Variants in CCDC178 observed in about 807,000 individuals in gnomAD.
CCDC178 encodes coiled-coil domain containing 178.
In CCDC178, 126 loss-of-function variants were observed where a neutral mutation model predicts 117.4. The ratio of observed to expected loss-of-function variants is 1.07; its 90% confidence interval spans 0.93 to 1.24. The LOEUF (loss-of-function observed/expected upper bound fraction) is 1.24. Among genes scored for constraint, CCDC178 ranks in the 50% most tolerant of loss-of-function variants. CCDC178 has a pLI of 0.00. For missense variants in CCDC178, 1,030 were observed against 986.9 expected (o/e 1.04, Z -0.59); for synonymous variants, 283 against 313.4 (o/e 0.90, Z 1.02).
At chr18:33,386,818 G>A (rs530552849) in intron 5 of CCDC178, among the ~76,000 whole-genome samples, 52 of 152,270 alleles carry the variant, frequency 3.4e-4, no homozygotes, top group Admixed American at 9.8e-4. Context: ...AGACAAGGAT[G>A]CCCTCACTCA....
intron 15 of CCDC178, among the ~76,000 whole-genome samples, chr18:33,235,301 G>A (rs2059415279): frequency 6.6e-6 from 1 of 152,062 alleles, no homozygotes; most frequent in African/African-American, 2.4e-5. Flanking sequence ...CCCCCAGTAT[G>A]ATTATTTTGA....
intron 11 of CCDC178, among the ~76,000 whole-genome samples, chr18:33,316,473 A>C (rs2062419576): frequency 1.3e-5 from 2 of 150,850 alleles, no homozygotes; most frequent in African/African-American, 4.9e-5. Flanking sequence ...CCCTCCCCCC[A>C]CACGCCGTGG....
intron 22 of CCDC178, among the ~76,000 whole-genome samples, chr18:32,946,504 T>C (rs1253702096): frequency 2.6e-5 from 4 of 152,136 alleles, no homozygotes; most frequent in Non-Finnish European, 4.4e-5. Flanking sequence ...GATCACTTTG[T>C]TATTTTCTAC....
At chr18:33,205,827 T>C (rs1051965283) in intron 20 of CCDC178, among the ~76,000 whole-genome samples, 2 of 152,224 alleles carry the variant, frequency 1.3e-5, no homozygotes, top group Admixed American at 1.3e-4. Flanking sequence ...CCCAAATAGC[T>C]GGGACTATAG....
chr18:33,188,278 T>C (rs1474696424), intron 20 of CCDC178, among the ~76,000 whole-genome samples: 1 of 152,066 alleles, frequency 6.6e-6, no homozygotes, highest in East Asian at 1.9e-4. Flanking sequence ...GTGGTTATGG[T>C]ACTCAAAATT....
At chr18:33,142,954 A>T (rs2058225373) in intron 20 of CCDC178, among the ~76,000 whole-genome samples, 1 of 152,150 alleles carries the variant, frequency 6.6e-6, no homozygotes, top group Non-Finnish European at 1.5e-5. Flanking sequence ...TTTTTTTAAC[A>T]AAAGCATAAT....
intron 20 of CCDC178, among the ~76,000 whole-genome samples, chr18:33,171,924 G>A (rs1025299946): frequency 6.6e-6 from 1 of 151,962 alleles, no homozygotes; most frequent in African/African-American, 2.4e-5. Flanking sequence ...GTTTTGTTTT[G>A]TTTTGAGATG....
At chr18:33,431,940 T>C (rs891066374) in intron 2 of CCDC178, among the ~76,000 whole-genome samples, 3 of 152,036 alleles carry the variant, frequency 2.0e-5, no homozygotes, top group African/African-American at 7.3e-5. Context: ...ATCAGTGAGG[T>C]GGTGATGGAA....
intron 14 of CCDC178, among the ~76,000 whole-genome samples, chr18:33,262,145 C>T (rs1181332031): frequency 6.6e-6 from 1 of 152,000 alleles, no homozygotes; most frequent in Non-Finnish European, 1.5e-5. Flanking sequence ...TATAATTTTT[C>T]CACAAAAGTT....
At chr18:33,124,590 T>C (rs772519304) in intron 20 of CCDC178, among the ~76,000 whole-genome samples, 4 of 152,224 alleles carry the variant, frequency 2.6e-5, no homozygotes, top group Admixed American at 6.5e-5. Context: ...TTTTTCCCTT[T>C]TTAATCTCTA....
At chr18:32,966,326 A>T (rs1203376521) in intron 22 of CCDC178, among the ~76,000 whole-genome samples, 1 of 151,770 alleles carries the variant, frequency 6.6e-6, no homozygotes, top group Non-Finnish European at 1.5e-5. Flanking sequence ...TTGTAAAAGA[A>T]TTTTTATTGG....
At position 33,207,788 on chromosome 18, in the gene CCDC178, C is replaced by T. The variant is rs74533349; in HGVS notation, c.2238+4108G>A. 6.5e-3 allele frequency among the ~76,000 whole-genome samples: 996 copies of T among 152,108 alleles called. 14 individuals are homozygous for T. The highest frequency in any genetic ancestry group is 0.022 in the African/African-American group (924 of 41,526). Reference sequence around the variant, plus strand: ...TAGCAGTAATTCTGCCACATATTCACAAGGAGTGACATGATGCTAGAGAGA... The same window carrying T: ...TAGCAGTAATTCTGCCACATATTCATAAGGAGTGACATGATGCTAGAGAGA... On this transcript the variant is annotated intron_variant, in intron 20 of 22. Transcript: ENST00000383096.
At chr18:33,200,601 C>T (rs528259719) in intron 20 of CCDC178, among the ~76,000 whole-genome samples, 3 of 152,254 alleles carry the variant, frequency 2.0e-5, no homozygotes, top group Middle Eastern at 3.4e-3. Context: ...TGCTGATTTT[C>T]GACACTTGTA....
At chr18:33,343,363 A>G (rs900169437) in intron 9 of CCDC178, among the ~76,000 whole-genome samples, 1 of 152,202 alleles carries the variant, frequency 6.6e-6, no homozygotes, top group Non-Finnish European at 1.5e-5. Flanking sequence ...CAAATTCATG[A>G]TGGTAAGCTT....
At chr18:33,408,237 T>C (rs1018816952) in intron 3 of CCDC178, among the ~76,000 whole-genome samples, 2 of 151,886 alleles carry the variant, frequency 1.3e-5, no homozygotes, top group African/African-American at 4.8e-5. Flanking sequence ...GAATGATCTT[T>C]ACAAACCATA....
At chr18:32,940,082 A>C (rs936369209) in intron 22 of CCDC178, among the ~76,000 whole-genome samples, 1 of 149,756 alleles carries the variant, frequency 6.7e-6, no homozygotes, top group African/African-American at 2.4e-5. Context: ...AAAAGAATCC[A>C]TTTGCTTGAA....
At chr18:33,053,353 G>T (rs1278188765) in intron 21 of CCDC178, among the ~76,000 whole-genome samples, 3 of 152,076 alleles carry the variant, frequency 2.0e-5, no homozygotes, top group African/African-American at 7.2e-5. Context: ...TTTCATTTAT[G>T]GAACACATTT....
intron 21 of CCDC178, among the ~76,000 whole-genome samples, chr18:33,033,900 A>G (rs2056392636): frequency 1.3e-5 from 2 of 151,896 alleles, no homozygotes; most frequent in African/African-American, 4.8e-5. Context: ...CTAATTACAC[A>G]TCGACAGAAC....
At chr18:33,251,574 G>A (rs970010183) in intron 14 of CCDC178, among the ~76,000 whole-genome samples, 3 of 151,656 alleles carry the variant, frequency 2.0e-5, no homozygotes, top group South Asian at 2.1e-4. Flanking sequence ...AAAGTCCTTC[G>A]AGTGTCTCCC....
Sources: gnomAD v4.1 joint callset for allele counts (sites outside exome capture counted in the v4.1 genomes callset) on GRCh38, gnomAD v4.1.1 for gene constraint, MANE v1.5 for transcripts, NCBI Gene and HGNC (gene_info 2026-07-23, HGNC 2026-07-21) for gene names.